The following ITFG1 variants were observed in gnomAD, a reference collection of about 807,000 sequenced individuals.
The protein encoded by ITFG1 is integrin alpha FG-GAP repeat containing 1, also known as T-cell immunomodulatory protein.
ITFG1 carries 34 observed loss-of-function variants against 81.8 expected under a neutral mutation model. The observed-to-expected ratio is 0.42, with a 90% confidence interval of 0.32 to 0.55. The LOEUF (loss-of-function observed/expected upper bound fraction) is 0.55, where lower values mean the gene tolerates loss of function less well. Among genes scored for constraint, ITFG1 ranks in the 20% least tolerant of loss-of-function variants. The pLI, the probability that ITFG1 is intolerant of heterozygous loss-of-function variation, is 0.17. For missense variants in ITFG1, 672 were observed against 755.4 expected, an observed-to-expected ratio of 0.89 and a Z score of 1.29; for synonymous variants, 285 against 270.6, an observed-to-expected ratio of 1.05 and a Z score of -0.52.
rs527980093 is a variant in ITFG1 at position 47,461,017 on chromosome 16, G to A, written c.29C>T (p.Ser10Phe). The A allele has an allele frequency of 4.0e-5, 62 of 1,547,608 alleles. No homozygotes were observed. The highest frequency in any genetic ancestry group is 5.2e-5 in the Non-Finnish European group (60 of 1,147,840). MAAAGRLPSSWALFSPLLAG... is the reference protein window; with the variant it reads MAAAGRLPSFWALFSPLLAG... ...GAGGAGCGGCGAGAAGAGGGCCCAGGAGCTCGGGAGCCGGCCCGCCGCCGC... is the reference window on the plus strand; with the variant it reads ...GAGGAGCGGCGAGAAGAGGGCCCAGAAGCTCGGGAGCCGGCCCGCCGCCGC... The change falls in exon 1 of 18, where the codon TCC becomes TTC. Residue 10 changes from serine (S) to phenylalanine (F), a missense_variant. By Grantham distance (155) the Ser-to-Phe change is radical (BLOSUM62 -2). Transcript: ENST00000320640.
intron 12 of ITFG1, among the ~76,000 whole-genome samples, chr16:47,255,384 A>T (rs1353537665): frequency 6.6e-6 from 1 of 152,186 alleles, no homozygotes. Flanking sequence ...AGTCACACAG[A>T]ATCTGCAAAA....
At chr16:47,296,369 T>C (rs1966981738) in intron 10 of ITFG1, among the ~76,000 whole-genome samples, 3 of 152,170 alleles carry the variant, frequency 2.0e-5, no homozygotes, top group South Asian at 2.1e-4. Flanking sequence ...TTAATTTCCT[T>C]TTTAATTTCA....
chr16:47,456,550 G>C (rs183871430), intron 2 of ITFG1, among the ~76,000 whole-genome samples: 2 of 152,060 alleles, frequency 1.3e-5, no homozygotes, highest in Non-Finnish European at 2.9e-5. Context: ...AAATTCGCTG[G>C]GCGTGGCGTT....
intron 12 of ITFG1, among the ~76,000 whole-genome samples, chr16:47,244,088 G>A (rs1965968692): frequency 1.3e-5 from 2 of 152,202 alleles, no homozygotes; most frequent in Admixed American, 1.3e-4. Context: ...AAGAAGCCAG[G>A]TGCCAAGAGC....
rs566746227 is a variant in ITFG1, at chr16:47,174,619, C to T, written c.1454-11955G>A. ...CAGTGCAGCCTCCGCCTCCCACGTT[C>T]AAGCAATTCTCCTGCCTCAGCCTCC... On this transcript the variant is annotated intron_variant, in intron 14 of 17. Transcript: ENST00000320640. Among the ~76,000 whole-genome samples, 18 of 152,284 alleles carry T rather than the reference C, an allele frequency of 1.2e-4. No individual in the cohort carries two copies. The South Asian group carries it at 3.5e-3, about 30-fold the overall frequency.
chr16:47,232,474 T>A (rs1323346836), intron 13 of ITFG1, among the ~76,000 whole-genome samples: 1 of 152,180 alleles, frequency 6.6e-6, no homozygotes, highest in Non-Finnish European at 1.5e-5. Flanking sequence ...AAGTAAAATG[T>A]GTATTTACAA....
intron 10 of ITFG1, among the ~76,000 whole-genome samples, chr16:47,277,882 T>C (rs984947914): frequency 6.6e-6 from 1 of 152,236 alleles, no homozygotes; most frequent in African/African-American, 2.4e-5. Context: ...TTATTTCAGC[T>C]ATTATATTTG....
chr16:47,284,118 T>A (rs1025542426), intron 10 of ITFG1, among the ~76,000 whole-genome samples: 1 of 152,294 alleles, frequency 6.6e-6, no homozygotes, highest in East Asian at 1.9e-4. Context: ...AGTGTGAGGT[T>A]TTCTTTTTGG....
Position 47,375,901 on chromosome 16 carries a change from A to G in ITFG1, c.695T>C (p.Phe232Ser). ...LTTLNATTST[F>S]QFEIWENLDG... is the part of the protein sequence containing the mutation. ...CAAATTTTCCCATATTTCAAACTGG[A>G]AGGTACTAGTGGTGGCATTCAATGT... The change falls in exon 7 of 18, where the codon TTC becomes TCC. Residue 232 changes from phenylalanine to serine, a missense_variant. By Grantham distance (155) the Phe-to-Ser change is radical. Transcript: ENST00000320640. The G allele has an allele frequency of 1.2e-6, 2 of 1,606,656 alleles. No individual in the cohort carries two copies. Among genetic ancestry groups the G allele is most frequent in the Non-Finnish European group, 1.7e-6 (2 of 1,173,632 alleles).
intron 8 of ITFG1, among the ~76,000 whole-genome samples, chr16:47,342,657 A>G (rs1478816307): frequency 6.6e-6 from 1 of 152,148 alleles, no homozygotes; most frequent in Non-Finnish European, 1.5e-5. Context: ...GCAAAGTTGC[A>G]GGTTGATCTT....
chr16:47,233,441 C>T (rs1321517060), intron 13 of ITFG1, among the ~76,000 whole-genome samples: 1 of 152,196 alleles, frequency 6.6e-6, no homozygotes, highest in African/African-American at 2.4e-5. Flanking sequence ...GGGGGGAACC[C>T]TCACACTTAC....
chr16:47,285,297 G>A (rs1205352358), intron 10 of ITFG1, among the ~76,000 whole-genome samples: 2 of 152,212 alleles, frequency 1.3e-5, no homozygotes, highest in Admixed American at 6.5e-5. Flanking sequence ...CTGAACAAGT[G>A]GAGATTGCTG....
intron 10 of ITFG1, among the ~76,000 whole-genome samples, chr16:47,269,934 TC>T (rs1439963050): frequency 6.6e-6 from 1 of 152,158 alleles, no homozygotes; most frequent in Admixed American, 6.5e-5. Flanking sequence ...GGACAATAGA[TC>T]ATGGGAACAG....
At chr16:47,277,752 A>T (rs1241851644) in intron 10 of ITFG1, among the ~76,000 whole-genome samples, 1 of 152,226 alleles carries the variant, frequency 6.6e-6, no homozygotes, top group Non-Finnish European at 1.5e-5. Flanking sequence ...GATTTTGAAG[A>T]AGTAGTATGT....
At chr16:47,355,211 C>G (rs934637400) in intron 8 of ITFG1, among the ~76,000 whole-genome samples, 6 of 151,814 alleles carry the variant, frequency 4.0e-5, no homozygotes, top group Non-Finnish European at 8.8e-5. Flanking sequence ...TGTTCAGACA[C>G]GAAAAGGAAT....
At chr16:47,349,866 G>C (rs1437483296) in intron 8 of ITFG1, among the ~76,000 whole-genome samples, 1 of 152,202 alleles carries the variant, frequency 6.6e-6, no homozygotes, top group Non-Finnish European at 1.5e-5. Context: ...CTGTCTCTCA[G>C]ACCACAGTGC....
rs1967668431 is a variant in ITFG1 at position 47,333,899 on chromosome 16, A to G, written c.803-20076T>C. 2.6e-5 allele frequency among the ~76,000 whole-genome samples: 4 copies of G among 152,392 alleles called. No individual in the cohort carries two copies. The South Asian group carries it at 8.3e-4, about 32-fold the overall frequency. On this transcript the variant is annotated intron_variant, in intron 8 of 17. Transcript: ENST00000320640. ...GTTTCAACTGAGATTTTAAAATTCAATGAACTGTGATACCACATTTACATG... is the reference window on the plus strand; with the variant it reads ...GTTTCAACTGAGATTTTAAAATTCAGTGAACTGTGATACCACATTTACATG...
chr16:47,179,399 C>A (rs1043155615), intron 14 of ITFG1, among the ~76,000 whole-genome samples: 1 of 152,034 alleles, frequency 6.6e-6, no homozygotes, highest in Non-Finnish European at 1.5e-5. Flanking sequence ...ATGCAGCACA[C>A]CAACATGGCA....
chr16:47,288,922 T>A (rs1895673631), intron 10 of ITFG1, among the ~76,000 whole-genome samples: 1 of 152,138 alleles, frequency 6.6e-6, no homozygotes, highest in Admixed American at 6.5e-5. Flanking sequence ...GGTATCCTTG[T>A]CTCCTTCCAA....
Sources: gnomAD v4.1 joint callset for allele counts (sites outside exome capture counted in the v4.1 genomes callset) on GRCh38, gnomAD v4.1.1 for gene constraint, MANE v1.5 for transcripts, NCBI Gene and HGNC (gene_info 2026-07-23, HGNC 2026-07-21) for gene names.